The following PDE1A variants were observed in gnomAD, a reference collection of about 807,000 sequenced individuals.
The protein encoded by PDE1A is dual specificity calcium/calmodulin-dependent 3',5'-cyclic nucleotide phosphodiesterase 1A.
PDE1A carries 35 observed loss-of-function variants against 61.7 expected under a neutral mutation model. That is an observed-to-expected ratio of 0.57 (90% confidence interval 0.43 to 0.75). The LOEUF (loss-of-function observed/expected upper bound fraction) is 0.75. PDE1A is among the 30% of genes least tolerant of loss of function. PDE1A has a pLI of 0.00. For synonymous variants in PDE1A, 232 were observed against 213.2 expected, an observed-to-expected ratio of 1.09 and a Z score of -0.77; for missense variants, 597 against 630.6, an observed-to-expected ratio of 0.95 and a Z score of 0.57.
intron 2 of PDE1A, among the ~76,000 whole-genome samples, chr2:182,447,384 C>T (rs1685214128): frequency 6.6e-6 from 1 of 152,030 alleles, no homozygotes; most frequent in African/African-American, 2.4e-5. Context: ...ACTTCCCATT[C>T]TTGCCAAATT....
the PDE1A span, among the ~76,000 whole-genome samples, chr2:182,580,937 A>T: frequency 6.6e-6 from 1 of 152,094 alleles, no homozygotes; most frequent in Non-Finnish European, 1.5e-5. Context: ...TGCAAAATAT[A>T]TATGCCTCTT....
Position 182,421,283 on chromosome 2 carries a change from T to C in PDE1A, c.53+5295A>G, listed in dbSNP as rs1027293397. Among the ~76,000 whole-genome samples the C allele has an allele frequency of 4.6e-5, 7 of 152,296 alleles. No homozygotes were observed. The East Asian group carries it at 1.4e-3, about 29-fold the overall frequency. On this transcript the variant is annotated intron_variant, in intron 1 of 13. Coordinates refer to ENST00000351439, the Ensembl canonical transcript of PDE1A. ...AAATCTTACCAATGTCTAAGATAAATGTACATGTCATCAAGCTGCTCTAGC... is the reference window on the plus strand; with the variant it reads ...AAATCTTACCAATGTCTAAGATAAACGTACATGTCATCAAGCTGCTCTAGC...
chr2:182,700,140 T>C, the PDE1A span, among the ~76,000 whole-genome samples: 2 of 152,208 alleles, frequency 1.3e-5, no homozygotes, highest in Admixed American at 1.3e-4. Flanking sequence ...AGTGCTTTCA[T>C]AGTAGGTCAC....
At chr2:182,367,496 A>T (rs1699901957) in intron 1 of PDE1A, among the ~76,000 whole-genome samples, 1 of 152,100 alleles carries the variant, frequency 6.6e-6, no homozygotes, top group African/African-American at 2.4e-5. Context: ...ATGAATTTTA[A>T]AATACAGTGG....
At chr2:182,432,227 G>A (rs372069122) in intron 2 of PDE1A, among the ~76,000 whole-genome samples, 1 of 151,930 alleles carries the variant, frequency 6.6e-6, no homozygotes, top group African/African-American at 2.4e-5. Context: ...CTAACCCTAT[G>A]ATAAAATGTT....
In PDE1A at chr2:182,215,478, C is replaced by G. The variant is rs1228643735; in HGVS notation, c.776+8386G>C. ...TTCAAAAAATTAATGAATCCAGGAG[C>G]TGGTTTTTTGAAAGGATCAACAAAA... On this transcript the variant is annotated intron_variant, in intron 7 of 13. Coordinates refer to ENST00000351439, the Ensembl canonical transcript of PDE1A. Among the ~76,000 whole-genome samples, 217 of 150,624 alleles carry G rather than the reference C, an allele frequency of 1.4e-3. 1 individual carries two copies. Among genetic ancestry groups the G allele is most frequent in the African/African-American group, 5.2e-3 (211 of 40,524 alleles).
At chr2:182,256,038 C>CTTTTTTTTTTTTTTTTTTTTT (rs755211798) in intron 2 of PDE1A, among the ~76,000 whole-genome samples, 10 of 92,316 alleles carry the variant, frequency 1.1e-4, no homozygotes, top group Middle Eastern at 0.015. Context: ...AGGATGACTT[C>CTTTTTTTTTTTTTTTTTTTTT]TTTTTTTTTT....
chr2:182,567,775 TTTTTTTTC>T, the PDE1A span, among the ~76,000 whole-genome samples: 5 of 151,462 alleles, frequency 3.3e-5, no homozygotes, highest in Non-Finnish European at 5.9e-5. Flanking sequence ...AATGTTTACT[TTTTTTTTC>T]TTTTTTTCTT....
the PDE1A span, among the ~76,000 whole-genome samples, chr2:182,636,254 G>T: frequency 5.3e-5 from 8 of 152,014 alleles, no homozygotes; most frequent in Non-Finnish European, 7.4e-5. Context: ...CATTGAGCCC[G>T]GCCTCACCTG....
the PDE1A span, among the ~76,000 whole-genome samples, chr2:182,575,981 AATT>A: frequency 2.0e-5 from 3 of 148,168 alleles, no homozygotes; most frequent in African/African-American, 7.4e-5. Flanking sequence ...AATACTAATT[AATT>A]AATTAGTACT....
the PDE1A span, among the ~76,000 whole-genome samples, chr2:182,636,008 T>G: frequency 7.4e-6 from 1 of 134,856 alleles, no homozygotes; most frequent in Admixed American, 8.5e-5. Flanking sequence ...CAGGCCGGAC[T>G]GCAGTGGCAC....
At chr2:182,189,896 C>T (rs1357352418) in intron 10 of PDE1A, among the ~76,000 whole-genome samples, 2 of 152,144 alleles carry the variant, frequency 1.3e-5, no homozygotes, top group African/African-American at 2.4e-5. Context: ...ATTTCAATTT[C>T]CTGGCCATTT....
At chr2:182,551,330 T>C in the PDE1A span, among the ~76,000 whole-genome samples, 1 of 152,054 alleles carries the variant, frequency 6.6e-6, no homozygotes, top group South Asian at 2.1e-4. Flanking sequence ...TTGCCAATAA[T>C]GGGATAATGT....
At chr2:182,341,339 A>G (rs1698170976) in intron 1 of PDE1A, among the ~76,000 whole-genome samples, 1 of 152,228 alleles carries the variant, frequency 6.6e-6, no homozygotes, top group Non-Finnish European at 1.5e-5. Context: ...AGTCATTTGT[A>G]TGAGTTGTGC....
At chr2:182,572,714 C>CA in the PDE1A span, among the ~76,000 whole-genome samples, 1 of 151,698 alleles carries the variant, frequency 6.6e-6, no homozygotes, top group African/African-American at 2.4e-5. Flanking sequence ...ACTAAAAATA[C>CA]AAAAAATTAG....
At chr2:182,155,766 C>G (rs967621137) in intron 13 of PDE1A, among the ~76,000 whole-genome samples, 3 of 152,164 alleles carry the variant, frequency 2.0e-5, no homozygotes, top group Non-Finnish European at 1.5e-5. Flanking sequence ...TGACGCATGC[C>G]TGTAATCCCA....
intron 2 of PDE1A, among the ~76,000 whole-genome samples, chr2:182,253,273 G>A (rs1691535395): frequency 1.3e-5 from 2 of 152,120 alleles, no homozygotes; most frequent in Admixed American, 1.3e-4. Flanking sequence ...AAATGAAAGT[G>A]GCTCAAATAA....
At chr2:182,512,495 A>G (rs1287551242) in intron 2 of PDE1A, among the ~76,000 whole-genome samples, 1 of 152,230 alleles carries the variant, frequency 6.6e-6, no homozygotes, top group African/African-American at 2.4e-5. Flanking sequence ...ATCAGCTTAC[A>G]CAGATAAGAA....
the PDE1A span, among the ~76,000 whole-genome samples, chr2:182,698,855 G>T: frequency 2.0e-5 from 3 of 152,164 alleles, no homozygotes; most frequent in African/African-American, 7.2e-5. Context: ...CCCCTTGAAG[G>T]CTGTTCTTAA....
Sources: allele counts gnomAD v4.1 joint callset (sites outside exome capture counted in the v4.1 genomes callset), GRCh38; gene constraint gnomAD v4.1.1; transcripts MANE v1.5; gene names NCBI Gene and HGNC (gene_info 2026-07-23, HGNC 2026-07-21).